NCEH1: variants seen among roughly 807,000 people sequenced by gnomAD.
The protein encoded by NCEH1 is 2-acetyl MAGE hydrolase.
In NCEH1, 9 loss-of-function variants were observed where a neutral mutation model predicts 25.4. That is an observed-to-expected ratio of 0.35 (90% CI 0.21 to 0.62). The LOEUF is 0.62. Among genes scored for constraint, NCEH1 ranks in the 20% least tolerant of loss-of-function variants. NCEH1 has a pLI of 0.72. For synonymous variants in NCEH1, 200 were observed against 199.8 expected, an observed-to-expected ratio of 1.00 and a Z score of -0.01; for missense variants, 412 against 501.1, an observed-to-expected ratio of 0.82 and a Z score of 1.70.
chr3:172,701,466 T>TA (rs1553840434), intron 1 of NCEH1, among the ~76,000 whole-genome samples: 1 of 143,590 alleles, frequency 7.0e-6, no homozygotes, highest in Non-Finnish European at 1.5e-5. Context: ...TTTTTTTTTT[T>TA]AAAGACGGAG....
intron 1 of NCEH1, among the ~76,000 whole-genome samples, chr3:172,706,370 T>G (rs959249456): frequency 6.6e-6 from 1 of 152,196 alleles, no homozygotes; most frequent in African/African-American, 2.4e-5. Context: ...TGTAGCCTTT[T>G]CCTGCTTAAC....
At chr3:172,662,659 T>C (rs1718023119) in intron 1 of NCEH1, among the ~76,000 whole-genome samples, 1 of 152,222 alleles carries the variant, frequency 6.6e-6, no homozygotes, top group African/African-American at 2.4e-5. Context: ...TATTGGTCTA[T>C]TCAGGGATTC....
At chr3:172,710,683 A>T (rs1471775332) in intron 1 of NCEH1, among the ~76,000 whole-genome samples, 164 bp downstream of exon 1, 3 of 152,244 alleles carry the variant, frequency 2.0e-5, no homozygotes, top group African/African-American at 4.8e-5. Flanking sequence ...AAGGAGGCGA[A>T]TGCGATACCC....
At chr3:172,648,633 T>C (rs922897726) in intron 1 of NCEH1, among the ~76,000 whole-genome samples, 31 of 152,204 alleles carry the variant, frequency 2.0e-4, no homozygotes, top group African/African-American at 7.5e-4. Flanking sequence ...ATATATTTAA[T>C]TGTATCTTTA....
At position 172,633,279 on chromosome 3, in the gene NCEH1, T is replaced by G; in HGVS notation, c.*196A>C. 4 of 593,092 alleles carry G rather than the reference T, an allele frequency of 6.7e-6. No homozygotes were observed. The highest frequency in any genetic ancestry group is 1.2e-5 in the Non-Finnish European group (4 of 339,750). The allele number at this position is 593,092 out of a possible 1,614,324, so 36.7% of individuals were successfully genotyped here. A position where few individuals can be genotyped will look rare whatever the true frequency, so the allele number is the denominator to read the frequency against. ...GCCCACTCTGGGAACCAAATTTACATGTTTTGCACTTAAGTTAGTCAAATT... is the reference window on the plus strand; with the variant it reads ...GCCCACTCTGGGAACCAAATTTACAGGTTTTGCACTTAAGTTAGTCAAATT... On this transcript the variant is annotated 3_prime_UTR_variant, in exon 5 of 5. Transcript: ENST00000475381.
chr3:172,699,702 A>G (rs967243498), intron 1 of NCEH1, among the ~76,000 whole-genome samples: 12 of 152,122 alleles, frequency 7.9e-5, no homozygotes, highest in African/African-American at 2.6e-4. Flanking sequence ...TCATCTCTAC[A>G]AAAAATACAA....
rs1553830302 is a variant in NCEH1, at chr3:172,653,735, G to GTTTTTTTTTTTTTTT, written c.139-5622_139-5621insAAAAAAAAAAAAAAA. On this transcript the variant is annotated intron_variant, in intron 1 of 4. Transcript: ENST00000475381. ...TTGTTTTTGTTGTTGTTGTTGTTCTGTTTTTTTTGTTTTTTTGTTTTTTTG... is the reference window on the plus strand; with the variant it reads ...TTGTTTTTGTTGTTGTTGTTGTTCTGTTTTTTTTTTTTTTTTTTTTTTTGTTTTTTTGTTTTTTTG... Among the ~76,000 whole-genome samples the GTTTTTTTTTTTTTTT allele has an allele frequency of 4.2e-4, 30 of 71,012 alleles. 3 individuals are homozygous for GTTTTTTTTTTTTTTT. Among genetic ancestry groups the GTTTTTTTTTTTTTTT allele is most frequent in the African/African-American group, 1.4e-3 (27 of 19,706 alleles). The allele number at this position is 71,012 out of a possible 152,430, so 46.6% of individuals were successfully genotyped here. A position where few individuals can be genotyped will look rare whatever the true frequency, so the allele number is the denominator to read the frequency against.
At chr3:172,691,167 C>T (rs1713011969) in intron 1 of NCEH1, among the ~76,000 whole-genome samples, 2 of 152,108 alleles carry the variant, frequency 1.3e-5, no homozygotes, top group Admixed American at 1.3e-4. Context: ...TGTAGGATTC[C>T]ATTTGTTACT....
At chr3:172,656,506 C>T (rs1294234043) in intron 1 of NCEH1, among the ~76,000 whole-genome samples, 2 of 152,154 alleles carry the variant, frequency 1.3e-5, no homozygotes, top group Non-Finnish European at 2.9e-5. Flanking sequence ...GTGGCTCAGG[C>T]CTGTAATCCC....
At position 172,630,597 on chromosome 3, in the gene NCEH1, G is replaced by C. The variant is rs1716302226; in HGVS notation, c.*2878C>G. ...GGCAATTTGGCATACAGAAAGAAGA[G>C]AAGAGAACACTGTTTTCAAATGGGA... On this transcript the variant is annotated 3_prime_UTR_variant, in exon 5 of 5. Coordinates refer to ENST00000475381, the MANE Select transcript of NCEH1 (RefSeq NM_020792.6). The C allele has an allele frequency of 6.6e-6, 1 of 152,208 alleles. No homozygotes were observed. Among genetic ancestry groups the C allele is most frequent in the Non-Finnish European group, 1.5e-5 (1 of 68,056 alleles). 9.4% of individuals were successfully genotyped at this position (152,208 alleles called of 1,614,324 possible).
chr3:172,639,396 T>C (rs973335593), intron 3 of NCEH1, among the ~76,000 whole-genome samples: 2 of 152,012 alleles, frequency 1.3e-5, no homozygotes, highest in Non-Finnish European at 2.9e-5. Context: ...TCAAAGTAGC[T>C]TGAAATTCAC....
At position 172,635,953 on chromosome 3, in the gene NCEH1, CT is replaced by C; in HGVS notation, c.571del (p.Ser191ValfsTer20). The C allele has an allele frequency of 6.2e-7, 1 of 1,614,202 alleles. No individual in the cohort carries two copies. The highest frequency in any genetic ancestry group is 8.5e-7 in the Non-Finnish European group (1 of 1,180,036). On this transcript the variant is annotated frameshift_variant, in exon 4 of 5. Transcript: ENST00000475381. LOFTEE classifies it low-confidence loss of function (END_TRUNC). ...DPGRICISGD[S>X]AGGNLAAALG... ...GGCAGCAGCCAGATTTCCACCAGCA[CT>C]GTCACCAGAAATGCAAATTCTGCCT...
intron 1 of NCEH1, among the ~76,000 whole-genome samples, chr3:172,694,991 G>A (rs1576777679): frequency 6.6e-6 from 1 of 152,076 alleles, no homozygotes; most frequent in African/African-American, 2.4e-5. Flanking sequence ...TGTTCGTCTT[G>A]TGAATTGCTA....
intron 1 of NCEH1, among the ~76,000 whole-genome samples, chr3:172,660,171 T>G (rs1717907887): frequency 7.9e-6 from 1 of 126,574 alleles, no homozygotes; most frequent in Non-Finnish European, 1.6e-5. Flanking sequence ...CTCCCCACCC[T>G]GTGTCCAAGT....
At chr3:172,700,728 T>C (rs111727251) in intron 1 of NCEH1, among the ~76,000 whole-genome samples, 4,984 of 152,104 alleles carry the variant, frequency 0.033, 228 homozygotes, top group African/African-American at 0.1. Context: ...CCTCAAGGGG[T>C]CTCCTGCCTT....
rs768552737 is a variant in NCEH1, at chr3:172,710,977, G to A, written c.8C>T (p.Ser3Leu). 5.0e-6 allele frequency: 8 copies of A among 1,614,096 alleles called. No individual in the cohort carries two copies. The highest frequency in any genetic ancestry group is 1.7e-5 in the Admixed American group (1 of 60,032). Residue 3 changes from serine to leucine, a missense_variant, in exon 1 of 5, where the codon TCG becomes TTG. Transcript: ENST00000475381. ...CAGGGCGGTGAGCAGGACACAGGAC[G>A]ACCTCATCTTGCCCTGGCTCGGCTC... MR[S>L]SCVLLTALVA...
chr3:172,675,126 A>G (rs1355857207), intron 1 of NCEH1, among the ~76,000 whole-genome samples: 2 of 152,162 alleles, frequency 1.3e-5, no homozygotes, highest in Non-Finnish European at 2.9e-5. Flanking sequence ...CCTGGCCAAC[A>G]TGGTGAAACC....
At chr3:172,638,232 C>T (rs943419555) in intron 3 of NCEH1, among the ~76,000 whole-genome samples, 9 of 113,852 alleles carry the variant, frequency 7.9e-5, no homozygotes, top group African/African-American at 3.0e-4. Context: ...GAGCTGAGAT[C>T]GCGCCACTGC....
intron 1 of NCEH1, among the ~76,000 whole-genome samples, chr3:172,696,768 A>T (rs1451851348): frequency 6.6e-6 from 1 of 152,216 alleles, no homozygotes; most frequent in African/African-American, 2.4e-5. Context: ...AGAGATCTAT[A>T]GTCAATTAAA....
Sources: allele counts gnomAD v4.1 joint callset (sites outside exome capture counted in the v4.1 genomes callset), GRCh38; gene constraint gnomAD v4.1.1; transcripts MANE v1.5; gene names NCBI Gene and HGNC (gene_info 2026-07-23, HGNC 2026-07-21).